The following RERE variants were observed in gnomAD, a reference collection of about 807,000 sequenced individuals.
RERE encodes the protein arginine-glutamic acid dipeptide repeats, also known as arginine-glutamic acid dipeptide repeats protein.
RERE carries 40 observed loss-of-function variants against 146.1 expected under a neutral mutation model. The observed-to-expected ratio is 0.27, with a 90% confidence interval of 0.21 to 0.36. RERE has a LOEUF of 0.36. RERE is among the 10% of genes least tolerant of loss of function. The pLI, the probability that RERE is intolerant of heterozygous loss-of-function variation, is 1.00. For synonymous variants in RERE, 1,003 were observed against 866.0 expected, an observed-to-expected ratio of 1.16 and a Z score of -2.78; for missense variants, 1,933 against 2,138.7, an observed-to-expected ratio of 0.90 and a Z score of 1.90.
intron 9 of RERE, among the ~76,000 whole-genome samples, chr1:8,496,280 T>C (rs982145984): frequency 2.6e-5 from 4 of 151,722 alleles, no homozygotes; most frequent in Non-Finnish European, 5.9e-5. Context: ...GCCAGGTAAC[T>C]GGGGCAACAC....
Position 8,589,224 on chromosome 1 carries a change from G to C in RERE, c.522+25337C>G, listed in dbSNP as rs1646463375. On this transcript the variant is annotated intron_variant, in intron 4 of 22. Transcript: ENST00000400908. ...GAAGGCTGAGGTGGGCAGATCACCT[G>C]AGGTCAGGAGTTCTAGACCAGCCTG... Among the ~76,000 whole-genome samples, 3 of 152,156 alleles carry C rather than the reference G, an allele frequency of 2.0e-5. No homozygotes were observed. In the South Asian group the frequency reaches 6.2e-4, roughly 32 times the overall value.
chr1:8,654,506 G>A (rs1638224108), intron 2 of RERE, among the ~76,000 whole-genome samples: 1 of 152,032 alleles, frequency 6.6e-6, no homozygotes, highest in Non-Finnish European at 1.5e-5. Context: ...CATAAAAATG[G>A]GCAGCTTTAA....
chr1:8,701,805 T>A (rs771300956), intron 1 of RERE, among the ~76,000 whole-genome samples: 4 of 151,072 alleles, frequency 2.6e-5, no homozygotes, highest in Non-Finnish European at 4.4e-5. Context: ...AAAAAAAAAA[T>A]ACAAGCTCAA....
chr1:8,724,421 T>C (rs775840616), intron 1 of RERE, among the ~76,000 whole-genome samples: 10 of 152,208 alleles, frequency 6.6e-5, no homozygotes, highest in Non-Finnish European at 1.0e-4. Flanking sequence ...CAATGTTCTG[T>C]CACTTGCCAG....
chr1:8,502,525 C>T (rs371016480), intron 8 of RERE, among the ~76,000 whole-genome samples: 3 of 132,054 alleles, frequency 2.3e-5, no homozygotes, highest in Admixed American at 7.3e-5. Context: ...CGCTTCTGCC[C>T]GGCCGCCCCT....
chr1:8,377,158 C>A (rs972489143), intron 12 of RERE, among the ~76,000 whole-genome samples: 1 of 152,212 alleles, frequency 6.6e-6, no homozygotes, highest in East Asian at 1.9e-4. Context: ...GTCTAAAGCT[C>A]AGGCTGAACT....
chr1:8,814,973 T>C (rs1025239412), intron 1 of RERE, among the ~76,000 whole-genome samples: 1 of 152,204 alleles, frequency 6.6e-6, no homozygotes, highest in African/African-American at 2.4e-5. Context: ...AAGTGGCATT[T>C]GCAGAAAGGC....
chr1:8,518,702 C>T (rs951760352), intron 7 of RERE, among the ~76,000 whole-genome samples: 3 of 152,166 alleles, frequency 2.0e-5, no homozygotes, highest in Non-Finnish European at 4.4e-5. Flanking sequence ...TCTCAATTTT[C>T]CCCAGCATGA....
rs769854765 is a variant in RERE at position 8,703,764 on chromosome 1, G to A, written c.-144-47323C>T. Among the ~76,000 whole-genome samples the A allele has an allele frequency of 6.6e-5, 10 of 152,306 alleles. 1 individual carries two copies. Among genetic ancestry groups the A allele is most frequent in the Non-Finnish European group, 1.5e-4 (10 of 68,036 alleles). ...CTCTGCTTCTGCCAGGAATATTAAT[G>A]CCAACCACCTCTGACGTCTAATAAA... On this transcript the variant is annotated intron_variant, in intron 1 of 22. Coordinates refer to ENST00000400908, the MANE Select transcript of RERE (RefSeq NM_001042681.2).
At chr1:8,408,546 C>T (rs182195431) in intron 12 of RERE, among the ~76,000 whole-genome samples, 50 of 152,168 alleles carry the variant, frequency 3.3e-4, no homozygotes, top group African/African-American at 1.1e-3. Context: ...ACTACTGTTT[C>T]GCACTGAAGT....
At chr1:8,586,690 A>G (rs1646431950) in intron 4 of RERE, among the ~76,000 whole-genome samples, 1 of 152,224 alleles carries the variant, frequency 6.6e-6, no homozygotes, top group African/African-American at 2.4e-5. Flanking sequence ...TGAGCAGATA[A>G]AAGATGGATT....
At chr1:8,600,051 T>A (rs1479984509) in intron 4 of RERE, among the ~76,000 whole-genome samples, 1 of 152,178 alleles carries the variant, frequency 6.6e-6, no homozygotes, top group Non-Finnish European at 1.5e-5. Flanking sequence ...GGCGGCGGTT[T>A]CCCTCACACT....
chr1:8,390,311 C>T (rs1330084206), intron 12 of RERE, among the ~76,000 whole-genome samples: 2 of 152,176 alleles, frequency 1.3e-5, no homozygotes, highest in Non-Finnish European at 2.9e-5. Context: ...CGTCACCCCA[C>T]CCCAGGTAGG....
In RERE at chr1:8,604,598, A is replaced by AAGGG. The variant is rs796662731; in HGVS notation, c.522+9959_522+9962dup. On this transcript the variant is annotated intron_variant, in intron 4 of 22. Coordinates refer to ENST00000400908, the MANE Select transcript of RERE (RefSeq NM_001042681.2). ...AAAAGAAGGAAGGAAGGAAGGAAGG[A>AAGGG]AGGGAGGGAGGGAGGGAGGGAGGGA... is the stretch of plus-strand genomic sequence containing the variant. Among the ~76,000 whole-genome samples, 98 of 80,664 alleles carry AAGGG rather than the reference A, an allele frequency of 1.2e-3. 2 individuals are homozygous for AAGGG. Among genetic ancestry groups the AAGGG allele is most frequent in the African/African-American group, 4.2e-3 (82 of 19,584 alleles). The allele number at this position is 80,664 out of a possible 152,430, so 52.9% of individuals were successfully genotyped here. A position where few individuals can be genotyped will look rare whatever the true frequency, so the allele number is the denominator to read the frequency against.
chr1:8,574,410 T>C (rs963987618), intron 4 of RERE, among the ~76,000 whole-genome samples: 2 of 139,158 alleles, frequency 1.4e-5, no homozygotes, highest in African/African-American at 5.4e-5. Flanking sequence ...AGTGGCACGA[T>C]CTCGGCTCAC....
chr1:8,672,640 G>A (rs1416948437), intron 1 of RERE, among the ~76,000 whole-genome samples: 2 of 152,192 alleles, frequency 1.3e-5, no homozygotes, highest in Non-Finnish European at 2.9e-5. Context: ...AAAAAGCAAA[G>A]AATGGCGCAT....
At chr1:8,365,167 G>A (rs1641753584) in intron 13 of RERE, among the ~76,000 whole-genome samples, 1 of 152,332 alleles carries the variant, frequency 6.6e-6, no homozygotes, top group Middle Eastern at 3.4e-3. Context: ...AATACGCCCA[G>A]GCAATCCTGA....
chr1:8,640,875 T>A (rs1362145952), intron 2 of RERE, among the ~76,000 whole-genome samples: 2 of 152,164 alleles, frequency 1.3e-5, no homozygotes, highest in Non-Finnish European at 1.5e-5. Flanking sequence ...AGTGAAGCAT[T>A]TATCCTCACT....
At chr1:8,717,326 T>C (rs1218075740) in intron 1 of RERE, among the ~76,000 whole-genome samples, 1 of 152,236 alleles carries the variant, frequency 6.6e-6, no homozygotes, top group Non-Finnish European at 1.5e-5. Context: ...GTTTTCAGTA[T>C]TTCTCAAACA....
Sources: allele counts gnomAD v4.1 joint callset (sites outside exome capture counted in the v4.1 genomes callset), GRCh38; gene constraint gnomAD v4.1.1; transcripts MANE v1.5; gene names NCBI Gene and HGNC (gene_info 2026-07-23, HGNC 2026-07-21).